The following LRMDA variants were observed in gnomAD, a reference collection of about 807,000 sequenced individuals.
LRMDA encodes leucine rich melanocyte differentiation associated, also known as leucine-rich melanocyte differentiation-associated protein.
Under a neutral mutation model 29.8 loss-of-function variants are expected in LRMDA, and 18 were observed. That is an observed-to-expected ratio of 0.60 (90% confidence interval 0.42 to 0.90). The LOEUF is 0.90. Among genes scored for constraint, LRMDA ranks in the 40% least tolerant of loss-of-function variants. The pLI is 0.00. For synonymous variants in LRMDA, 125 were observed against 109.4 expected, an observed-to-expected ratio of 1.14 and a Z score of -0.89; for missense variants, 273 against 273.9, an observed-to-expected ratio of 1.00 and a Z score of 0.02.
At chr10:76,503,931 A>G (rs1321485714) in intron 6 of LRMDA, among the ~76,000 whole-genome samples, 1 of 149,052 alleles carries the variant, frequency 6.7e-6, no homozygotes, top group Non-Finnish European at 1.5e-5. Flanking sequence ...TGTTAACTTG[A>G]GGTCTTTCTA....
intron 2 of LRMDA, among the ~76,000 whole-genome samples, chr10:75,788,716 C>T (rs1351542567): frequency 1.3e-5 from 2 of 152,128 alleles, no homozygotes. Flanking sequence ...GTAGGACAGG[C>T]GAGGAAATGT....
chr10:76,273,368 G>T (rs950792274), intron 5 of LRMDA, among the ~76,000 whole-genome samples: 7 of 152,106 alleles, frequency 4.6e-5, no homozygotes, highest in African/African-American at 1.7e-4. Flanking sequence ...TTTAAAAACT[G>T]ATATTTAACT....
chr10:76,099,140 T>A (rs572070407), intron 5 of LRMDA, among the ~76,000 whole-genome samples: 1 of 152,340 alleles, frequency 6.6e-6, no homozygotes, highest in South Asian at 2.1e-4. Flanking sequence ...GTAGCTAATA[T>A]GTTAGTCCTA....
intron 2 of LRMDA, among the ~76,000 whole-genome samples, chr10:76,021,715 A>G (rs11001588): frequency 0.11 from 16,967 of 152,194 alleles, 1,492 homozygotes; most frequent in East Asian, 0.25. Context: ...AGGCCTCTCC[A>G]GCTTTTTCTC....
intron 5 of LRMDA, among the ~76,000 whole-genome samples, chr10:76,301,382 G>A (rs1054467369): frequency 4.6e-5 from 7 of 152,212 alleles, no homozygotes; most frequent in African/African-American, 1.4e-4. Context: ...CCACAGAACA[G>A]ATCTTGGTAA....
At chr10:76,105,601 C>A (rs906747015) in intron 5 of LRMDA, among the ~76,000 whole-genome samples, 1 of 152,084 alleles carries the variant, frequency 6.6e-6, no homozygotes, top group South Asian at 2.1e-4. Context: ...AGTTATGTAG[C>A]CCCAAGCCAA....
chr10:75,822,118 A>G (rs1271628383), intron 2 of LRMDA, among the ~76,000 whole-genome samples: 1 of 152,202 alleles, frequency 6.6e-6, no homozygotes, highest in African/African-American at 2.4e-5. Context: ...GACTTCAGTA[A>G]AGTTCCAGGA....
At chr10:75,473,498 G>T (rs980772430) in intron 2 of LRMDA, among the ~76,000 whole-genome samples, 1 of 152,262 alleles carries the variant, frequency 6.6e-6, no homozygotes, top group Non-Finnish European at 1.5e-5. Flanking sequence ...CAGTCTTGCG[G>T]TGCAATCTCC....
chr10:75,639,596 G>T (rs530263460), intron 2 of LRMDA, among the ~76,000 whole-genome samples: 1 of 152,334 alleles, frequency 6.6e-6, no homozygotes, highest in East Asian at 1.9e-4. Flanking sequence ...CTCTCATTCA[G>T]CCATGCGGCT....
At chr10:75,820,457 A>G (rs953602449) in intron 2 of LRMDA, among the ~76,000 whole-genome samples, 1 of 152,258 alleles carries the variant, frequency 6.6e-6, no homozygotes, top group Non-Finnish European at 1.5e-5. Flanking sequence ...TCTGAAACAC[A>G]TGAAAATAGA....
At chr10:75,706,086 A>G (rs1842362476) in intron 2 of LRMDA, among the ~76,000 whole-genome samples, 1 of 152,168 alleles carries the variant, frequency 6.6e-6, no homozygotes, top group Non-Finnish European at 1.5e-5. Flanking sequence ...TTTTCACCTG[A>G]CAGGAGATCA....
At chr10:76,311,926 C>T (rs960503697) in intron 5 of LRMDA, among the ~76,000 whole-genome samples, 2 of 152,194 alleles carry the variant, frequency 1.3e-5, no homozygotes, top group African/African-American at 4.8e-5. Flanking sequence ...CACCTGTTGG[C>T]TCTGCTTACA....
rs1052970321 is a variant in LRMDA, at chr10:75,651,491, G to A, written c.131+212997G>A. Among the ~76,000 whole-genome samples, 16 of 152,192 alleles carry A rather than the reference G, an allele frequency of 1.1e-4. No individual in the cohort carries two copies. The East Asian group carries it at 3.1e-3, about 29-fold the overall frequency. On this transcript the variant is annotated intron_variant, in intron 2 of 6. Transcript: ENST00000611255. ...GAAGTGTTGTGGTCTCTCACAACAA[G>A]CTCATTTATTCATCCATTCTCTGGA...
At chr10:76,156,180 T>C (rs913093550) in intron 5 of LRMDA, among the ~76,000 whole-genome samples, 3 of 152,170 alleles carry the variant, frequency 2.0e-5, no homozygotes, top group Admixed American at 6.5e-5. Context: ...CTTAGGTTAA[T>C]GGGGCTCTTT....
intron 2 of LRMDA, among the ~76,000 whole-genome samples, chr10:75,634,018 A>G (rs1364017083): frequency 6.6e-6 from 1 of 152,244 alleles, no homozygotes. Context: ...TAACTTTCTG[A>G]TCTTAGGAAA....
chr10:75,672,334 G>T (rs921792488), intron 2 of LRMDA, among the ~76,000 whole-genome samples: 3 of 151,858 alleles, frequency 2.0e-5, no homozygotes, highest in Non-Finnish European at 4.4e-5. Flanking sequence ...GCCCCTTTCA[G>T]ATTTTGTAGG....
At chr10:75,518,663 A>G (rs1304108310) in intron 2 of LRMDA, among the ~76,000 whole-genome samples, 1 of 152,022 alleles carries the variant, frequency 6.6e-6, no homozygotes, top group Non-Finnish European at 1.5e-5. Flanking sequence ...TCTTAGATTT[A>G]TTGATTTTTT....
At chr10:75,944,293 C>T (rs1336174780) in intron 2 of LRMDA, among the ~76,000 whole-genome samples, 5 of 152,032 alleles carry the variant, frequency 3.3e-5, no homozygotes, top group African/African-American at 1.2e-4. Flanking sequence ...ATCATTGTTC[C>T]CACATGAAGT....
At chr10:75,621,878 A>G (rs1841192712) in intron 2 of LRMDA, among the ~76,000 whole-genome samples, 1 of 152,170 alleles carries the variant, frequency 6.6e-6, no homozygotes, top group African/African-American at 2.4e-5. Flanking sequence ...AAAATGAGGA[A>G]GATGAAGGTG....
Sources: allele counts gnomAD v4.1 joint callset (sites outside exome capture counted in the v4.1 genomes callset), GRCh38; gene constraint gnomAD v4.1.1; transcripts MANE v1.5; gene names NCBI Gene and HGNC (gene_info 2026-07-23, HGNC 2026-07-21).